Variants in ZNF160 observed in about 807,000 individuals in gnomAD.
ZNF160 encodes the protein KRAB zinc finger protein KR18.
A neutral mutation model predicts 13.1 loss-of-function variants in ZNF160; 9 were observed. The ratio of observed to expected loss-of-function variants is 0.69; its 90% CI spans 0.41 to 1.20. The LOEUF (loss-of-function observed/expected upper bound fraction) is 1.20. Among genes scored for constraint, ZNF160 ranks in the 50% most tolerant of loss-of-function variants. The pLI, the probability that ZNF160 is intolerant of heterozygous loss-of-function variation, is 0.01. For synonymous variants in ZNF160, 293 were observed against 333.2 expected (o/e 0.88, Z 1.31); for missense variants, 838 against 988.0 (o/e 0.85, Z 2.04).
chr19:53,103,026 C>T (rs1407085386), intron 1 of ZNF160, among the ~76,000 whole-genome samples: 1 of 152,078 alleles, frequency 6.6e-6, no homozygotes, highest in Non-Finnish European at 1.5e-5. Context: ...CTCCAGGGGC[C>T]GACGAGAGCG....
In ZNF160 at chr19:53,069,204, G is replaced by A. The variant is rs753283790; in HGVS notation, c.1330C>T (p.Arg444Trp). 2.0e-5 allele frequency: 33 copies of A among 1,611,130 alleles called. No individual in the cohort carries two copies. The East Asian group carries it at 5.4e-4, about 26-fold the overall frequency. Residue 444 changes from arginine (R) to tryptophan (W), a missense_variant, in exon 6 of 6, where the codon CGG (arginine) becomes TGG (tryptophan). Arg to Trp is a moderately radical substitution (Grantham distance 101). Coordinates refer to ENST00000683776, the MANE Select transcript of ZNF160 (RefSeq NM_001322131.2). This position sits in a 1 kb window ranked among gnomAD's most constrained non-coding sequence, Gnocchi z 4.4. ...FRYNSYLGRH[R>W]RVHTGEKPYK... is the part of the protein sequence containing the mutation. Reference sequence around the variant, plus strand: ...GGTTTCTCACCAGTATGAACTCTCCGATGCCTTCCGAGGTATGAATTGTAC... The same window carrying A: ...GGTTTCTCACCAGTATGAACTCTCCAATGCCTTCCGAGGTATGAATTGTAC...
intron 1 of ZNF160, among the ~76,000 whole-genome samples, chr19:53,102,780 G>T (rs2085494050): frequency 6.6e-6 from 1 of 152,286 alleles, no homozygotes; most frequent in Admixed American, 6.5e-5. Context: ...CATTTTCCAG[G>T]GGGTGGAGCT....
chr19:53,072,983 A>C, intron 5 of ZNF160: 1 of 632,464 alleles, frequency 1.6e-6, no homozygotes, highest in Non-Finnish European at 2.0e-6. Context: ...AATTATAGTT[A>C]TATATATTTA....
chr19:53,087,726 ATTT>A (rs1353359541), intron 2 of ZNF160, among the ~76,000 whole-genome samples: 1 of 151,910 alleles, frequency 6.6e-6, no homozygotes, highest in Non-Finnish European at 1.5e-5. Context: ...AATTTTTTGT[ATTT>A]TTAGTAGAGA....
chr19:53,087,748 C>G (rs1371534401), intron 2 of ZNF160, among the ~76,000 whole-genome samples: 1 of 152,122 alleles, frequency 6.6e-6, no homozygotes, highest in African/African-American at 2.4e-5. Context: ...GATAGGGTTT[C>G]GCCATGTTGG....
chr19:53,088,620 T>C (rs1417403646), intron 2 of ZNF160, among the ~76,000 whole-genome samples: 1 of 152,174 alleles, frequency 6.6e-6, no homozygotes, highest in Non-Finnish European at 1.5e-5. Flanking sequence ...GGAAATGTAG[T>C]TGAAAGTATT....
At chr19:53,076,671 C>T (rs1195056880) in intron 3 of ZNF160, among the ~76,000 whole-genome samples, 1 of 150,734 alleles carries the variant, frequency 6.6e-6, no homozygotes, top group Non-Finnish European at 1.5e-5. Flanking sequence ...GTGATGCTGT[C>T]TATAAGACAG....
chr19:53,096,293 T>C (rs2085232280), intron 1 of ZNF160, among the ~76,000 whole-genome samples: 1 of 152,242 alleles, frequency 6.6e-6, no homozygotes, highest in African/African-American at 2.4e-5. Context: ...GAGACTGATG[T>C]ATGCAGGGGT....
At chr19:53,077,686 A>G (rs1339175835) in intron 3 of ZNF160, among the ~76,000 whole-genome samples, 1 of 148,118 alleles carries the variant, frequency 6.8e-6, no homozygotes, top group African/African-American at 2.5e-5. Context: ...AAAAAAAAAA[A>G]GCAAAAGAAA....
At chr19:53,099,119 T>G (rs1424090556) in intron 1 of ZNF160, among the ~76,000 whole-genome samples, 1 of 127,344 alleles carries the variant, frequency 7.9e-6, no homozygotes, top group African/African-American at 3.3e-5. Context: ...CTCAAAATAA[T>G]CCATGCAGAA....
At chr19:53,077,838 A>C (rs1288902508) in intron 3 of ZNF160, among the ~76,000 whole-genome samples, 1 of 152,066 alleles carries the variant, frequency 6.6e-6, no homozygotes, top group Non-Finnish European at 1.5e-5. Context: ...CAGTACTCAT[A>C]AACAACTTCA....
intron 3 of ZNF160, among the ~76,000 whole-genome samples, chr19:53,080,064 C>G (rs1389649935): frequency 3.3e-5 from 5 of 151,476 alleles, no homozygotes; most frequent in Non-Finnish European, 7.4e-5. Context: ...ATGACTTCAG[C>G]AAAGTCTCAG....
intron 5 of ZNF160, chr19:53,073,067 C>T (rs1316107418): frequency 3.8e-6 from 3 of 793,414 alleles, no homozygotes; most frequent in Non-Finnish European, 5.1e-6. Flanking sequence ...CCATATAAGT[C>T]ATCTCAAAAA....
At chr19:53,074,906 G>T in intron 4 of ZNF160, 151 bp downstream of exon 4, 2 of 1,015,102 alleles carry the variant, frequency 2.0e-6, no homozygotes, top group Non-Finnish European at 1.5e-6. Flanking sequence ...GAAGATTAAA[G>T]TCCAGGTTTC....
rs557481342 is a variant in ZNF160 at position 53,068,859 on chromosome 19, G to T, written c.1675C>A (p.His559Asn). 3 of 1,614,048 alleles carry T rather than the reference G, an allele frequency of 1.9e-6. No homozygotes were observed. The highest frequency in any genetic ancestry group is 2.5e-6 in the Non-Finnish European group (3 of 1,180,036). Residue 559 changes from histidine to asparagine, a missense_variant, in exon 6 of 6, where the codon CAT becomes AAT. Around this residue, in one of 3 missense-constraint regions of ZNF160, gnomAD observed 400 missense variants for 538.9 expected, o/e 0.74. Coordinates refer to ENST00000683776, the MANE Select transcript of ZNF160 (RefSeq NM_001322131.2). ...CACTTGTAAGGTTTCTCTCCAGAAT[G>T]AATTCCCCGATGACTTCTAAGGTGT... ...KSHLRSHRGI[H>N]SGEKPYKCNE...
rs958564110 is a variant in ZNF160, at chr19:53,074,396, G to A, written c.143-128C>T. ...AAAATTCATCCACTGGGCCAGGCGC[G>A]GTGGCTCATGCCTGTAATCCCAGCA... On this transcript the variant is annotated intron_variant, in intron 4 of 5. Coordinates refer to ENST00000683776, the MANE Select transcript of ZNF160 (RefSeq NM_001322131.2). 1.3e-5 allele frequency: 18 copies of A among 1,423,674 alleles called. No homozygotes were observed. The African/African-American group carries it at 1.3e-4, about 10-fold the overall frequency. The allele number at this position is 1,423,674 out of a possible 1,614,324, so 88.2% of individuals were successfully genotyped here.
chr19:53,075,992 T>C (rs2084374138), intron 3 of ZNF160: 1 of 267,854 alleles, frequency 3.7e-6, no homozygotes, highest in African/African-American at 2.2e-5. Context: ...TTGGTGTCTG[T>C]TGCAGAATTG....
At chr19:53,075,495 G>A (rs1468604125) in intron 3 of ZNF160, 1 of 361,860 alleles carries the variant, frequency 2.8e-6, no homozygotes, top group East Asian at 7.1e-5. Flanking sequence ...CACTGGAAAG[G>A]CTGAGGCTCG....
chr19:53,071,885 C>T (rs2084189914), intron 5 of ZNF160, among the ~76,000 whole-genome samples: 2 of 151,988 alleles, frequency 1.3e-5, no homozygotes, highest in African/African-American at 2.4e-5. Context: ...TAAAGTACAA[C>T]ATAATATATT....
Sources: allele counts gnomAD v4.1 joint callset (sites outside exome capture counted in the v4.1 genomes callset), GRCh38; gene constraint gnomAD v4.1.1; regional missense constraint gnomAD v4.1.1; non-coding constraint Gnocchi (gnomAD v3.1); transcripts MANE v1.5; gene names NCBI Gene and HGNC (gene_info 2026-07-23, HGNC 2026-07-21).